Variants in ULK4 observed in about 807,000 individuals in gnomAD.
ULK4 encodes the protein inactive serine/threonine-protein kinase ULK4.
Under a neutral mutation model 160.6 loss-of-function variants are expected in ULK4, and 133 were observed. The observed-to-expected ratio is 0.83, with a 90% confidence interval of 0.72 to 0.96. The LOEUF is 0.96. Ranked by LOEUF, ULK4 falls within the 40% of genes least tolerant of loss-of-function variation. The probability of loss-of-function intolerance (pLI) is 0.00; values close to 1 mark genes in which losing one functional copy is unlikely to be tolerated. For missense variants in ULK4, 1,580 were observed against 1,499.5 expected, an observed-to-expected ratio of 1.05 and a Z score of -0.89; for synonymous variants, 534 against 539.8, an observed-to-expected ratio of 0.99 and a Z score of 0.15.
intron 22 of ULK4, among the ~76,000 whole-genome samples, chr3:41,733,952 G>A (rs551882840): frequency 1.3e-5 from 2 of 151,894 alleles, no homozygotes; most frequent in African/African-American, 2.4e-5. Flanking sequence ...GGTCAGGCTG[G>A]TCTCAAACTC....
At chr3:41,955,277 G>A (rs1700444023) in intron 1 of ULK4, among the ~76,000 whole-genome samples, 2 of 152,236 alleles carry the variant, frequency 1.3e-5, no homozygotes, top group Admixed American at 1.3e-4. Context: ...GCGACAAGGA[G>A]AGACTCCAAC....
chr3:41,821,381 A>G (rs2128835), intron 18 of ULK4, among the ~76,000 whole-genome samples: 38,729 of 152,012 alleles, frequency 0.25, 6,117 homozygotes, highest in African/African-American at 0.45. Flanking sequence ...CTCCCTGAAA[A>G]GGCTATTTTA....
chr3:41,637,772 T>C (rs531384552), intron 30 of ULK4, among the ~76,000 whole-genome samples: 2 of 152,358 alleles, frequency 1.3e-5, no homozygotes, highest in Non-Finnish European at 1.5e-5. Context: ...GGTTTTAATC[T>C]GCATTTCCCT....
chr3:41,402,849 C>T (rs757127432), intron 34 of ULK4, among the ~76,000 whole-genome samples: 5 of 152,050 alleles, frequency 3.3e-5, no homozygotes, highest in Non-Finnish European at 7.4e-5. Context: ...TAATATCACC[C>T]TCATAAAATG....
intron 34 of ULK4, among the ~76,000 whole-genome samples, chr3:41,410,875 C>A (rs141588397): frequency 4.6e-5 from 7 of 152,154 alleles, no homozygotes; most frequent in African/African-American, 1.7e-4. Flanking sequence ...TTTGTCTCTA[C>A]GTGGCTGTCT....
chr3:41,860,318 T>C (rs188283278), intron 17 of ULK4, among the ~76,000 whole-genome samples: 310 of 152,278 alleles, frequency 2.0e-3, no homozygotes, highest in African/African-American at 7.1e-3. Flanking sequence ...ATGCTGAAAA[T>C]GGGGTTTGAA....
At chr3:41,564,754 C>T (rs1319174578) in intron 32 of ULK4, among the ~76,000 whole-genome samples, 1 of 151,844 alleles carries the variant, frequency 6.6e-6, no homozygotes, top group African/African-American at 2.4e-5. Flanking sequence ...CCACTGCACC[C>T]GGCCATAAAA....
intron 35 of ULK4, among the ~76,000 whole-genome samples, chr3:41,279,277 A>G (rs2079302965): frequency 1.1e-5 from 1 of 91,898 alleles, no homozygotes; most frequent in Admixed American, 1.1e-4. Context: ...AAAAAAAAAC[A>G]AAACGACAAA....
At chr3:41,694,693 A>G (rs1245693512) in intron 27 of ULK4, among the ~76,000 whole-genome samples, 1 of 152,230 alleles carries the variant, frequency 6.6e-6, no homozygotes, top group East Asian at 1.9e-4. Flanking sequence ...CATATACCTT[A>G]AATCATCTCT....
At chr3:41,682,504 T>C (rs2035955679) in intron 27 of ULK4, among the ~76,000 whole-genome samples, 1 of 152,238 alleles carries the variant, frequency 6.6e-6, no homozygotes, top group Non-Finnish European at 1.5e-5. Context: ...CTCTCTATAC[T>C]GATAAAAGAG....
intron 17 of ULK4, chr3:41,859,396 T>TGTG: frequency 1.8e-6 from 1 of 566,318 alleles, no homozygotes; most frequent in South Asian, 1.4e-5. Context: ...ATTTGTCAAC[T>TGTG]GTGGTCCAAA....
At chr3:41,940,259 G>A (rs368459714) in intron 2 of ULK4, among the ~76,000 whole-genome samples, 3 of 152,046 alleles carry the variant, frequency 2.0e-5, no homozygotes, top group Non-Finnish European at 1.5e-5. Context: ...ACATTGCTAC[G>A]TTTCTTTCCT....
intron 32 of ULK4, among the ~76,000 whole-genome samples, chr3:41,466,693 T>C (rs1320483677): frequency 6.6e-6 from 1 of 152,130 alleles, no homozygotes; most frequent in Non-Finnish European, 1.5e-5. Flanking sequence ...AATCAAAAGA[T>C]ATTATTAAAA....
chr3:41,748,766 T>A (rs550596486), intron 22 of ULK4, among the ~76,000 whole-genome samples: 1 of 152,346 alleles, frequency 6.6e-6, no homozygotes, highest in South Asian at 2.1e-4. Flanking sequence ...CTCTCTGTTT[T>A]CACCCCCTTT....
At chr3:41,623,011 A>G (rs1453009074) in intron 30 of ULK4, among the ~76,000 whole-genome samples, 3 of 152,204 alleles carry the variant, frequency 2.0e-5, no homozygotes, top group African/African-American at 2.4e-5. Context: ...GGCCATGTTT[A>G]GGGGAAAGCT....
chr3:41,509,437 T>C (rs1475209861), intron 32 of ULK4, among the ~76,000 whole-genome samples: 1 of 152,148 alleles, frequency 6.6e-6, no homozygotes, highest in Non-Finnish European at 1.5e-5. Flanking sequence ...CCAGCCTTGC[T>C]AGAGATCTAG....
chr3:41,605,321 T>C (rs563606015), intron 31 of ULK4, among the ~76,000 whole-genome samples: 3 of 151,960 alleles, frequency 2.0e-5, no homozygotes, highest in South Asian at 2.1e-4. Context: ...TATTATTAGA[T>C]TGAAAAAAAG....
chr3:41,711,803 G>A (rs2037104361), intron 25 of ULK4, among the ~76,000 whole-genome samples: 1 of 152,180 alleles, frequency 6.6e-6, no homozygotes, highest in African/African-American at 2.4e-5. Flanking sequence ...TACACATCAT[G>A]AGCTCTTGAA....
intron 27 of ULK4, among the ~76,000 whole-genome samples, chr3:41,690,659 C>T (rs1248803762): frequency 6.6e-6 from 1 of 151,430 alleles, no homozygotes; most frequent in Non-Finnish European, 1.5e-5. Context: ...ACTCTGCTAC[C>T]CCCATCCCCT....
Sources: allele counts gnomAD v4.1 joint callset (sites outside exome capture counted in the v4.1 genomes callset), GRCh38; gene constraint gnomAD v4.1.1; transcripts MANE v1.5; gene names NCBI Gene and HGNC (gene_info 2026-07-23, HGNC 2026-07-21).